The following ARHGAP5 variants were observed in gnomAD, a reference collection of about 807,000 sequenced individuals.
ARHGAP5 encodes Rho GTPase activating protein 5.
In ARHGAP5, 23 loss-of-function variants were observed where a neutral mutation model predicts 116.6. That is an observed-to-expected ratio of 0.20 (90% CI 0.14 to 0.28). The LOEUF (loss-of-function observed/expected upper bound fraction) is 0.28. Among genes scored for constraint, ARHGAP5 ranks in the 10% least tolerant of loss-of-function variants. The pLI is 1.00. For missense variants in ARHGAP5, 1,405 were observed against 1,774.8 expected (o/e 0.79, Z 3.74); for synonymous variants, 574 against 602.0 (o/e 0.95, Z 0.68).
intron 3 of ARHGAP5, among the ~76,000 whole-genome samples, chr14:32,127,595 A>G (rs556030599): frequency 3.9e-5 from 6 of 152,202 alleles, no homozygotes; most frequent in Admixed American, 6.5e-5. Context: ...CACAGTAACA[A>G]TCTGATCTCT....
At chr14:32,096,749 A>G (rs1313612387) in intron 2 of ARHGAP5, among the ~76,000 whole-genome samples, 3 of 152,350 alleles carry the variant, frequency 2.0e-5, no homozygotes, top group Admixed American at 2.0e-4. Flanking sequence ...ATGTTACATA[A>G]ATTGTTTCAG....
At chr14:32,085,265 A>C (rs2041817093) in intron 1 of ARHGAP5, among the ~76,000 whole-genome samples, 1 of 151,988 alleles carries the variant, frequency 6.6e-6, no homozygotes, top group Non-Finnish European at 1.5e-5. Flanking sequence ...GGGGAGCATA[A>C]GGAGAACCCC....
intron 3 of ARHGAP5, among the ~76,000 whole-genome samples, chr14:32,132,871 G>C (rs1314305329): frequency 6.6e-6 from 1 of 152,096 alleles, no homozygotes; most frequent in Non-Finnish European, 1.5e-5. Context: ...GTTTTTGTCA[G>C]GTTTGTCAAA....
chr14:32,129,367 G>T (rs1371291555), intron 3 of ARHGAP5, among the ~76,000 whole-genome samples: 2 of 152,026 alleles, frequency 1.3e-5, no homozygotes, highest in East Asian at 3.8e-4. Flanking sequence ...TTTGCATGTG[G>T]TTGCAGTTAA....
chr14:32,155,462 T>C lies in ARHGAP5; in HGVS notation c.*514T>C, dbSNP rs1015983581. On this transcript the variant is annotated 3_prime_UTR_variant, in exon 7 of 7. Coordinates refer to ENST00000345122, the MANE Select transcript of ARHGAP5 (RefSeq NM_001030055.2). ...GCTACTGAGGCCATGCTTGGGATGT[T>C]GTTTGAAAGAAAGAAAAAATACACT... The C allele has an allele frequency of 1.3e-5, 2 of 153,018 alleles. No homozygotes were observed. Among genetic ancestry groups the C allele is most frequent in the African/African-American group, 4.8e-5 (2 of 41,468 alleles). The allele number at this position is 153,018 out of a possible 1,614,324, so 9.5% of individuals were successfully genotyped here.
At position 32,094,137 on chromosome 14, in the gene ARHGAP5, A is replaced by G; in HGVS notation, c.3468A>G (p.Lys1156=). 6.2e-7 allele frequency: 1 copy of G among 1,613,474 alleles called. No homozygotes were observed. The highest frequency in any genetic ancestry group is 8.5e-7 in the Non-Finnish European group (1 of 1,179,840). The change falls in exon 2 of 7, where the codon AAA becomes AAG. Residue 1156 remains lysine (K), a synonymous_variant. Transcript: ENST00000345122. ...GERRPSKYKY[K]SKTLFSKAKS... ...GGAGGCCTTCAAAATACAAATATAAATCTAAAACCTTGTTTAGTAAAGCCA... is the reference window on the plus strand; with the variant it reads ...GGAGGCCTTCAAAATACAAATATAAGTCTAAAACCTTGTTTAGTAAAGCCA...
chr14:32,146,332 T>C lies in ARHGAP5; in HGVS notation c.3935T>C (p.Phe1312Ser). The change falls in exon 4 of 7, where the codon TTT (phenylalanine) becomes TCT (serine). Residue 1312 changes from phenylalanine (F) to serine (S), a missense_variant. Phe to Ser is a radical substitution (Grantham distance 155). Coordinates refer to ENST00000345122, the MANE Select transcript of ARHGAP5 (RefSeq NM_001030055.2). ...GACCAAGACAATATTCAAAAGCAGT[T>C]TGATCAAGGTAAGAAGATGATTATG... is the stretch of plus-strand genomic sequence containing the variant. ...KTDQDNIQKQ[F>S]DQDHNINLVS... The C allele has an allele frequency of 6.2e-7, 1 of 1,610,218 alleles. No individual in the cohort carries two copies. Among genetic ancestry groups the C allele is most frequent in the Non-Finnish European group, 8.5e-7 (1 of 1,176,490 alleles).
intron 3 of ARHGAP5, among the ~76,000 whole-genome samples, chr14:32,137,158 C>G (rs1880846471): frequency 6.6e-6 from 1 of 151,098 alleles, no homozygotes; most frequent in Non-Finnish European, 1.5e-5. Flanking sequence ...TTGGCAAAAT[C>G]AAGGTCATGA....
chr14:32,118,668 T>A (rs1032783561), intron 3 of ARHGAP5, among the ~76,000 whole-genome samples: 2 of 152,204 alleles, frequency 1.3e-5, no homozygotes, highest in Non-Finnish European at 2.9e-5. Context: ...TTAGAAAAAT[T>A]TCTTGTCTAT....
At chr14:32,077,939 C>T (rs1417045670) in intron 1 of ARHGAP5, among the ~76,000 whole-genome samples, 2 of 152,176 alleles carry the variant, frequency 1.3e-5, no homozygotes, top group African/African-American at 4.8e-5. Flanking sequence ...GGGATCGGCC[C>T]TTTCACTTTC....
intron 3 of ARHGAP5, among the ~76,000 whole-genome samples, chr14:32,140,097 C>CTTTTTTTTTTTTTTTTTTTTTT (rs1182430088): frequency 2.4e-4 from 6 of 25,390 alleles, no homozygotes; most frequent in Admixed American, 5.4e-4. Context: ...GTTATTTGTT[C>CTTTTTTTTTTTTTTTTTTTTTT]TTTTTTTTTT....
At chr14:32,152,661 T>C (rs985217290) in intron 6 of ARHGAP5, 133 bp downstream of exon 6, 1 of 491,784 alleles carries the variant, frequency 2.0e-6, no homozygotes, top group African/African-American at 2.0e-5. Context: ...ATTTTGTTTT[T>C]CTAATTTATA....
chr14:32,146,768 A>G (rs1032062398), intron 4 of ARHGAP5, among the ~76,000 whole-genome samples: 2 of 152,220 alleles, frequency 1.3e-5, no homozygotes, highest in African/African-American at 4.8e-5. Flanking sequence ...GAAAGGAGGT[A>G]CTGGAAAAGC....
intron 3 of ARHGAP5, among the ~76,000 whole-genome samples, chr14:32,138,004 A>G (rs1254924500): frequency 2.0e-5 from 3 of 151,752 alleles, no homozygotes; most frequent in South Asian, 2.1e-4. Flanking sequence ...TCACCTTCCA[A>G]TCCACAAACA....
At chr14:32,120,054 G>T (rs1879805169) in intron 3 of ARHGAP5, among the ~76,000 whole-genome samples, 1 of 152,052 alleles carries the variant, frequency 6.6e-6, no homozygotes, top group Non-Finnish European at 1.5e-5. Context: ...AATTTTAGTA[G>T]AATTCATCAG....
chr14:32,132,855 T>G (rs1477970136), intron 3 of ARHGAP5, among the ~76,000 whole-genome samples: 1 of 152,222 alleles, frequency 6.6e-6, no homozygotes, highest in Non-Finnish European at 1.5e-5. Context: ...CCTTTCCCCA[T>G]TGCTTGTTTT....
chr14:32,155,184 G>T lies in ARHGAP5; in HGVS notation c.*236G>T, dbSNP rs1881839635. 4.5e-6 allele frequency: 2 copies of T among 442,080 alleles called. No homozygotes were observed. The highest frequency in any genetic ancestry group is 7.7e-5 in the South Asian group (2 of 26,080). 27.4% of individuals were successfully genotyped at this position (442,080 alleles called of 1,614,324 possible). On this transcript the variant is annotated 3_prime_UTR_variant, in exon 7 of 7. Coordinates refer to ENST00000345122, the MANE Select transcript of ARHGAP5 (RefSeq NM_001030055.2). ...AACAAAAATAGCTATAAAGTACAAA[G>T]CTGCTGCTGCATGCAACCTTATTGC...
At chr14:32,140,087 G>GTTT (rs1881028802) in intron 3 of ARHGAP5, among the ~76,000 whole-genome samples, 2 of 29,850 alleles carry the variant, frequency 6.7e-5, no homozygotes, top group African/African-American at 1.5e-4. Context: ...TTTTTTTTAG[G>GTTT]TTATTTGTTC....
rs771953327 is a variant in ARHGAP5, at chr14:32,090,793, G to A, written c.124G>A (p.Val42Ile). 1 of 1,613,672 alleles carries A rather than the reference G, an allele frequency of 6.2e-7. No homozygotes were observed. The highest frequency in any genetic ancestry group is 1.1e-5 in the South Asian group (1 of 91,066). ...AAAGTCTTGTTTGTGCAATAGATTTGTACGCTCAAAAGCAGATGAATATTA... is the reference window on the plus strand; with the variant it reads ...AAAGTCTTGTTTGTGCAATAGATTTATACGCTCAAAAGCAGATGAATATTA... ...VGKSCLCNRFVRSKADEYYPE... is the reference protein window; with the variant it reads ...VGKSCLCNRFIRSKADEYYPE... Residue 42 changes from valine (V) to isoleucine (I), a missense_variant, in exon 2 of 7, where the codon GTA (valine) becomes ATA (isoleucine). Physicochemically the swap from Val to Ile is conservative, Grantham distance 29. Around this residue, in one of 6 missense-constraint regions of ARHGAP5, gnomAD observed 190 missense variants for 314.9 expected, o/e 0.60. Coordinates refer to ENST00000345122, the MANE Select transcript of ARHGAP5 (RefSeq NM_001030055.2).
Sources: allele counts gnomAD v4.1 joint callset (sites outside exome capture counted in the v4.1 genomes callset), GRCh38; gene constraint gnomAD v4.1.1; regional missense constraint gnomAD v4.1.1; transcripts MANE v1.5; gene names NCBI Gene and HGNC (gene_info 2026-07-23, HGNC 2026-07-21).